The following NISCH variants were observed in gnomAD, a reference collection of about 807,000 sequenced individuals.
The protein encoded by NISCH is I-1 receptor candidate protein.
NISCH carries 55 observed loss-of-function variants against 138.4 expected under a neutral mutation model. The ratio of observed to expected loss-of-function variants is 0.40; its 90% confidence interval spans 0.32 to 0.50. The LOEUF is 0.50. Ranked by LOEUF, NISCH falls within the 20% of genes least tolerant of loss-of-function variation. The pLI, the probability that NISCH is intolerant of heterozygous loss-of-function variation, is 0.71. For missense variants in NISCH, 1,643 were observed against 2,005.5 expected (o/e 0.82, Z 3.45); for synonymous variants, 860 against 861.5 (o/e 1.00, Z 0.03).
Position 52,479,864 on chromosome 3 carries a change from TG to T in NISCH, c.1416+5del, listed in dbSNP as rs1340229918. On this transcript the variant is annotated splice_donor_region_variant and intron_variant, in intron 12 of 20. Coordinates refer to ENST00000345716, the MANE Select transcript of NISCH (RefSeq NM_007184.4). ...AAACTGAGCAACCCAGAGAAGAAGG[TG>T]GGTTTGTGTGGCAGGTGGGAGGGCA... The T allele has an allele frequency of 1.2e-5, 20 of 1,607,150 alleles. No homozygotes were observed. The highest frequency in any genetic ancestry group is 1.6e-5 in the Non-Finnish European group (19 of 1,175,276).
At position 52,492,664 on chromosome 3, in the gene NISCH, C is replaced by T. The variant is rs1006420465; in HGVS notation, c.*182C>T. 1.1e-5 allele frequency: 10 copies of T among 894,642 alleles called. No homozygotes were observed. Among genetic ancestry groups the T allele is most frequent in the South Asian group, 3.8e-5 (2 of 53,060 alleles). 55.4% of individuals were successfully genotyped at this position (894,642 alleles called of 1,614,324 possible). A position where few individuals can be genotyped will look rare whatever the true frequency, so the allele number is the denominator to read the frequency against. ...TTTCTCATGTTGGGAGTGAGAATGCCGGGCCCCTCAGGGCTGTCGGTGTGC... is the reference window on the plus strand; with the variant it reads ...TTTCTCATGTTGGGAGTGAGAATGCTGGGCCCCTCAGGGCTGTCGGTGTGC... On this transcript the variant is annotated 3_prime_UTR_variant, in exon 21 of 21. Coordinates refer to ENST00000345716, the MANE Select transcript of NISCH (RefSeq NM_007184.4).
rs761305218 is a variant in NISCH at position 52,484,578 on chromosome 3, G to A, written c.1594G>A (p.Glu532Lys). The change falls in exon 14 of 21, where the codon GAG becomes AAG. Residue 532 changes from glutamate to lysine, a missense_variant. Glu to Lys is a moderately conservative substitution (Grantham distance 56). Transcript: ENST00000345716. ...SLSSTDSLTP[E>K]HQPIAQGCSD... ...CTCGTCCACTGACAGTCTGACTCCC[G>A]AGCACCAGCCCATTGCCCAGGGATG... The A allele has an allele frequency of 1.9e-6, 3 of 1,612,258 alleles. No individual in the cohort carries two copies. The highest frequency in any genetic ancestry group is 1.1e-5 in the South Asian group (1 of 91,038).
In NISCH at chr3:52,484,600, G is replaced by A. The variant is rs1467250946; in HGVS notation, c.1616G>A (p.Gly539Glu). The change falls in exon 14 of 21, where the codon GGA becomes GAA. Residue 539 changes from glycine to glutamate, a missense_variant. Physicochemically the swap from Gly to Glu is moderately conservative, Grantham distance 98. Transcript: ENST00000345716. ...CCCGAGCACCAGCCCATTGCCCAGG[G>A]ATGTTCTGATTCCTTGGAGTCCATC... is the stretch of plus-strand genomic sequence containing the variant. ...LTPEHQPIAQ[G>E]CSDSLESIPA... 2 of 1,613,968 alleles carry A rather than the reference G, an allele frequency of 1.2e-6. No homozygotes were observed. The highest frequency in any genetic ancestry group is 1.1e-5 in the South Asian group (1 of 91,064).
intron 3 of NISCH, among the ~76,000 whole-genome samples, chr3:52,462,362 C>T (rs1162944487): frequency 6.6e-6 from 1 of 152,202 alleles, no homozygotes; most frequent in African/African-American, 2.4e-5. Flanking sequence ...CCCCACCCAG[C>T]TATGGCAACT....
rs374984310 is a variant in NISCH at position 52,491,954 on chromosome 3, G to A, written c.3987G>A (p.Thr1329=). The A allele has an allele frequency of 4.3e-6, 7 of 1,613,556 alleles. No individual in the cohort carries two copies. The highest frequency in any genetic ancestry group is 3.3e-5 in the South Asian group (3 of 91,084). The part of the protein sequence containing the change: ...YPSEEEIGDL[T]FTVAQKMAEP... ...GTGAGGAGGAGATTGGGGACCTGAC[G>A]TTCACTGTGGCCCAAAAGATGGCTG... Residue 1329 remains threonine (T), a synonymous_variant, in exon 21 of 21, where the codon ACG becomes ACA. Coordinates refer to ENST00000345716, the MANE Select transcript of NISCH (RefSeq NM_007184.4).
At chr3:52,460,612 C>G (rs372071287) in intron 3 of NISCH, among the ~76,000 whole-genome samples, 3 of 152,164 alleles carry the variant, frequency 2.0e-5, no homozygotes, top group African/African-American at 7.2e-5. Context: ...CAGTATTGCT[C>G]AGGTTGGCCT....
At chr3:52,480,968 A>C in intron 13 of NISCH, 1 of 1,486,772 alleles carries the variant, frequency 6.7e-7, no homozygotes, top group Admixed American at 2.3e-5. Flanking sequence ...TGCCGTCCCG[A>C]GTGGAGCCGA....
intron 13 of NISCH, among the ~76,000 whole-genome samples, chr3:52,483,566 C>T (rs1177319119): frequency 2.0e-5 from 3 of 152,200 alleles, no homozygotes; most frequent in East Asian, 1.9e-4. Flanking sequence ...ATTTACGGGA[C>T]GCAGTGGGTC....
intron 13 of NISCH, 25 bp from the exon 14 acceptor site, chr3:52,484,488 T>G: frequency 3.4e-6 from 1 of 297,264 alleles, no homozygotes. Flanking sequence ...CCTGCCTGCC[T>G]GCCCACCCGC....
intron 13 of NISCH, chr3:52,480,691 C>T (rs1015503905): frequency 1.8e-5 from 25 of 1,419,996 alleles, no homozygotes; most frequent in Middle Eastern, 1.8e-4. Context: ...GTCTGGAGCC[C>T]GAATCCCTGT....
chr3:52,485,250 A>G (rs1707375039), intron 14 of NISCH, among the ~76,000 whole-genome samples: 1 of 152,182 alleles, frequency 6.6e-6, no homozygotes, highest in African/African-American at 2.4e-5. Flanking sequence ...GCAGCAGCAC[A>G]AGGTTATGGC....
rs767236328 is a variant in NISCH, at chr3:52,458,770, C to G, written c.286C>G (p.Leu96Val). 1.9e-6 allele frequency: 3 copies of G among 1,613,292 alleles called. No individual in the cohort carries two copies. The highest frequency in any genetic ancestry group is 2.5e-6 in the Non-Finnish European group (3 of 1,180,002). Residue 96 changes from leucine (L) to valine (V), a missense_variant, in exon 3 of 21, where the codon CTC becomes GTC. Leu to Val is a conservative substitution (Grantham distance 32). Transcript: ENST00000345716. ...EKREKDLEVY[L>V]QKLLAAFPGV... ...GAGGGAGAAGGATCTGGAGGTCTAC[C>G]TCCAGAAGCTCCTGGCTGCCTTCCC...
chr3:52,480,085 A>G (rs2153231417), intron 12 of NISCH, 99 bp from the exon 13 acceptor site: 1 of 1,329,156 alleles, frequency 7.5e-7, no homozygotes, highest in Admixed American at 1.8e-5. Flanking sequence ...TTTACCACCC[A>G]GTTGGTGGGA....
chr3:52,471,765 G>T, intron 4 of NISCH, 49 bp from the exon 5 acceptor site: 1 of 1,608,144 alleles, frequency 6.2e-7, no homozygotes. Context: ...GCTGCACGAG[G>T]GCTGGGGCTG....
In NISCH at chr3:52,458,715, T is replaced by G. The variant is rs762520601; in HGVS notation, c.231T>G (p.Ile77Met). ...DKNLLPPKKI[I>M]GKNSRSLVEK... ...ATCTGCTTCCGCCCAAAAAGATAATTGGGAAAAACTCAAGAAGCTTGGTGG... is the reference window on the plus strand; with the variant it reads ...ATCTGCTTCCGCCCAAAAAGATAATGGGGAAAAACTCAAGAAGCTTGGTGG... The change falls in exon 3 of 21, where the codon ATT (isoleucine) becomes ATG (methionine). Residue 77 changes from isoleucine to methionine, a missense_variant. Coordinates refer to ENST00000345716, the MANE Select transcript of NISCH (RefSeq NM_007184.4). 3.1e-6 allele frequency: 5 copies of G among 1,613,862 alleles called. No homozygotes were observed. The East Asian group carries it at 1.1e-4, about 36-fold the overall frequency.
rs757585769 is a variant in NISCH at position 52,489,621 on chromosome 3, C to T, written c.3399C>T (p.His1133=). 1.4e-5 allele frequency: 22 copies of T among 1,612,876 alleles called. 1 individual carries two copies. The highest frequency in any genetic ancestry group is 8.9e-5 in the East Asian group (4 of 44,888). Residue 1133 remains histidine, a synonymous_variant, in exon 17 of 21, where the codon CAC becomes CAT. Coordinates refer to ENST00000345716, the MANE Select transcript of NISCH (RefSeq NM_007184.4). ...TGCCTGCCTGCCCGTCGCTCCGGCA[C>T]GTCGCCAGCCTGCGGGGCAGCGCCA... is the stretch of plus-strand genomic sequence containing the variant. ...SHLPACPSLR[H]VASLRGSAII...
chr3:52,488,752 C>G (rs950304189), intron 16 of NISCH, 147 bp downstream of exon 16: 3 of 665,602 alleles, frequency 4.5e-6, no homozygotes, highest in African/African-American at 3.7e-5. Context: ...GGGCCTCCCT[C>G]TACATCACCA....
intron 13 of NISCH, among the ~76,000 whole-genome samples, chr3:52,483,052 T>C (rs1707316944): frequency 6.6e-6 from 1 of 152,180 alleles, no homozygotes; most frequent in African/African-American, 2.4e-5. Context: ...GAATAGGAGT[T>C]GAACGTTAGC....
chr3:52,489,783 G>C, intron 17 of NISCH, 105 bp downstream of exon 17: 1 of 1,504,190 alleles, frequency 6.6e-7, no homozygotes, highest in Non-Finnish European at 8.8e-7. Flanking sequence ...CCTGATGTCG[G>C]AGTCCTCAGC....
Sources: gnomAD v4.1 joint callset for allele counts (sites outside exome capture counted in the v4.1 genomes callset) on GRCh38, gnomAD v4.1.1 for gene constraint, MANE v1.5 for transcripts, NCBI Gene and HGNC (gene_info 2026-07-23, HGNC 2026-07-21) for gene names.